The following KRT40 variants were observed in gnomAD, a reference collection of about 807,000 sequenced individuals.
KRT40 encodes the protein keratin, type I cytoskeletal 40.
KRT40 carries 47 observed loss-of-function variants against 43.5 expected under a neutral mutation model. That is an observed-to-expected ratio of 1.08 (90% CI 0.86 to 1.38). The LOEUF (loss-of-function observed/expected upper bound fraction) is 1.38, where lower values mean the gene tolerates loss of function less well. KRT40 is among the 40% of genes most tolerant of loss of function. The pLI, the probability that KRT40 is intolerant of heterozygous loss-of-function variation, is 0.00. For missense variants in KRT40, 573 were observed against 523.6 expected, an observed-to-expected ratio of 1.09 and a Z score of -0.92; for synonymous variants, 212 against 214.0, an observed-to-expected ratio of 0.99 and a Z score of 0.08.
chr17:40,980,655 A>G, intron 5 of KRT40, 130 bp downstream of exon 5: 1 of 1,231,374 alleles, frequency 8.1e-7, no homozygotes, highest in Non-Finnish European at 1.1e-6. Context: ...TTCTGCTTCT[A>G]TTAATAGCTG....
chr17:40,981,868 T>C (rs1912176510), intron 3 of KRT40, among the ~76,000 whole-genome samples: 1 of 149,050 alleles, frequency 6.7e-6, no homozygotes, highest in Admixed American at 6.6e-5. Context: ...CGAGTAGTTT[T>C]TGTTTGTTTG....
intron 3 of KRT40, among the ~76,000 whole-genome samples, chr17:40,982,084 G>T (rs1490965220): frequency 6.6e-6 from 1 of 151,736 alleles, no homozygotes; most frequent in Non-Finnish European, 1.5e-5. Context: ...TCATCATATT[G>T]GTCAGGCTGG....
chr17:40,985,115 G>A (rs1256663432), upstream of KRT40, among the ~76,000 whole-genome samples: 2 of 152,062 alleles, frequency 1.3e-5, no homozygotes, highest in African/African-American at 4.8e-5. Flanking sequence ...AGTCCCTTGG[G>A]AATTCCTTAA....
At chr17:40,984,738 ATTAT>A (rs1242400268), upstream of KRT40, among the ~76,000 whole-genome samples, 3 of 152,162 alleles carry the variant, frequency 2.0e-5, no homozygotes, top group African/African-American at 7.2e-5. Flanking sequence ...CAAAATGACA[ATTAT>A]TTGTTTGTGC....
intron 5 of KRT40, 112 bp from the exon 6 acceptor site, chr17:40,979,136 AT>A: frequency 1.4e-6 from 1 of 738,326 alleles, no homozygotes; most frequent in South Asian, 1.7e-5. Context: ...CTGGCAAATT[AT>A]TTAGCTTCTG....
intron 3 of KRT40, 110 bp from the exon 4 acceptor site, chr17:40,981,261 T>C (rs1355555734): frequency 6.3e-7 from 1 of 1,583,424 alleles, no homozygotes; most frequent in South Asian, 1.1e-5. Context: ...AAGTGTGAGA[T>C]TTTGATTCAG....
Position 40,983,932 on chromosome 17 carries a change from G to A in KRT40, c.342C>T (p.Asn114=), listed in dbSNP as rs763769467. The change falls in exon 1 of 7, where the codon AAC becomes AAT. Residue 114 remains asparagine (N), a synonymous_variant. Coordinates refer to ENST00000377755, the MANE Select transcript of KRT40 (RefSeq NM_001389244.1). ...LEKVRSLEET[N]AELESRIQEQ... ...CTTGGATCCTGGATTCCAGCTCTGC[G>A]TTGGTCTCCTCCAGGCTGCGCACCT... The A allele has an allele frequency of 1.5e-5, 24 of 1,613,938 alleles. No homozygotes were observed. The Middle Eastern group carries it at 4.9e-4, about 33-fold the overall frequency.
At chr17:40,985,074 G>C (rs192372824), upstream of KRT40, among the ~76,000 whole-genome samples, 18 of 152,244 alleles carry the variant, frequency 1.2e-4, no homozygotes, top group African/African-American at 4.3e-4. Flanking sequence ...CCTAATAAGA[G>C]TGAAATATAA....
chr17:40,985,674 TG>T (rs1054171685), upstream of KRT40, among the ~76,000 whole-genome samples: 6 of 152,178 alleles, frequency 3.9e-5, no homozygotes, highest in Non-Finnish European at 7.3e-5. Flanking sequence ...TGGGCAGAGC[TG>T]GGTTTGAATT....
rs772889440 is a variant in KRT40 at position 40,984,116 on chromosome 17, C to T, written c.158G>A (p.Arg53His). 1.1e-5 allele frequency: 18 copies of T among 1,613,974 alleles called. No individual in the cohort carries two copies. The highest frequency in any genetic ancestry group is 5.3e-5 in the African/African-American group (4 of 74,892). Residue 53 changes from arginine to histidine, a missense_variant, in exon 1 of 7, where the codon CGC (arginine) becomes CAC (histidine). Physicochemically the swap from Arg to His is conservative, Grantham distance 29 (BLOSUM62 0). Coordinates refer to ENST00000377755, the MANE Select transcript of KRT40 (RefSeq NM_001389244.1). ...TGGCAGGAGGCAACCAGTCAGCCCG[C>T]GAGACCTGGATAGGAAGCTTGGAGT... ...CQTPSFLSRS[R>H]GLTGCLLPCY...
rs1262256512 is a variant in KRT40 at position 40,978,902 on chromosome 17, C to T, written c.1098G>A (p.Glu366=). ...GCACCTGGTACTCCTGGTTCTGTCGCTCCAGGTCGCAGCGGATCTCGGCCA... is the reference window on the plus strand; with the variant it reads ...GCACCTGGTACTCCTGGTTCTGTCGTTCCAGGTCGCAGCGGATCTCGGCCA... ...NQLAEIRCDL[E]RQNQEYQVLL... Residue 366 remains glutamate (E), a synonymous_variant, in exon 6 of 7, where the codon GAG becomes GAA. Transcript: ENST00000377755. The T allele has an allele frequency of 6.2e-7, 1 of 1,614,008 alleles. No individual in the cohort carries two copies. The highest frequency in any genetic ancestry group is 1.3e-5 in the African/African-American group (1 of 74,914).
rs751901819 is a variant in KRT40 at position 40,978,926 on chromosome 17, C to A, written c.1074G>T (p.Leu358=). ...QCLIDNLENQ[L]AEIRCDLERQ... ...GCTCCAGGTCGCAGCGGATCTCGGC[C>A]AGCTGGTTCTCCAGGTTATCGATCA... is the stretch of plus-strand genomic sequence containing the variant. Residue 358 remains leucine, a synonymous_variant, in exon 6 of 7, where the codon CTG becomes CTT. Coordinates refer to ENST00000377755, the MANE Select transcript of KRT40 (RefSeq NM_001389244.1). 9.9e-6 allele frequency: 16 copies of A among 1,614,016 alleles called. No individual in the cohort carries two copies. The highest frequency in any genetic ancestry group is 1.3e-5 in the African/African-American group (1 of 74,906).
intron 5 of KRT40, among the ~76,000 whole-genome samples, chr17:40,979,263 C>T (rs979796978): frequency 2.6e-5 from 4 of 152,108 alleles, no homozygotes; most frequent in African/African-American, 9.7e-5. Flanking sequence ...GGCCTGTAAT[C>T]CCAGCACTTT....
chr17:40,978,398 A>G, intron 6 of KRT40, 102 bp from the exon 7 acceptor site: 1 of 932,872 alleles, frequency 1.1e-6, no homozygotes, highest in Admixed American at 1.9e-5. Flanking sequence ...TTATGTTCTG[A>G]AAAAAACTCT....
At chr17:40,982,509 G>A (rs750925243) in intron 2 of KRT40, 46 bp from the exon 3 acceptor site, 15 of 1,458,112 alleles carry the variant, frequency 1.0e-5, no homozygotes, top group Non-Finnish European at 1.1e-5. Flanking sequence ...GCTGAACGCT[G>A]TGCAAAGTGT....
At chr17:40,979,823 T>C (rs907291047) in intron 5 of KRT40, among the ~76,000 whole-genome samples, 10 of 152,234 alleles carry the variant, frequency 6.6e-5, no homozygotes, top group Non-Finnish European at 1.5e-4. Flanking sequence ...TGTTTTCATG[T>C]TGGACAGCAG....
chr17:40,986,168 A>G (rs1485647213), upstream of KRT40: 2 of 152,422 alleles, frequency 1.3e-5, no homozygotes, highest in African/African-American at 2.4e-5. Flanking sequence ...GACCAGAGGA[A>G]AGCAAGTTAG....
At chr17:40,979,058 A>G in intron 5 of KRT40, 34 bp from the exon 6 acceptor site, 7 of 1,552,688 alleles carry the variant, frequency 4.5e-6, no homozygotes, top group Non-Finnish European at 5.3e-6. Context: ...AGGACCATGA[A>G]GTGCAGTCTC....
chr17:40,981,194 A>G (rs765014883), intron 3 of KRT40, 43 bp from the exon 4 acceptor site: 125 of 1,611,248 alleles, frequency 7.8e-5, no homozygotes, highest in Non-Finnish European at 9.8e-5. Context: ...AATGGTGGGG[A>G]AAAATCCATT....
Sources: gnomAD v4.1 joint callset for allele counts (sites outside exome capture counted in the v4.1 genomes callset) on GRCh38, gnomAD v4.1.1 for gene constraint, MANE v1.5 for transcripts, NCBI Gene and HGNC (gene_info 2026-07-23, HGNC 2026-07-21) for gene names.